Variants in ZBTB21 observed in about 807,000 individuals in gnomAD.
ZBTB21 encodes zinc finger and BTB domain-containing protein 21.
A neutral mutation model predicts 39.8 loss-of-function variants in ZBTB21; 10 were observed. The ratio of observed to expected loss-of-function variants is 0.25; its 90% CI spans 0.16 to 0.43. The LOEUF (loss-of-function observed/expected upper bound fraction) is 0.43, where lower values mean the gene tolerates loss of function less well. Ranked by LOEUF, ZBTB21 falls within the 20% of genes least tolerant of loss-of-function variation. ZBTB21 has a pLI of 1.00. For synonymous variants in ZBTB21, 551 were observed against 498.8 expected (o/e 1.10, Z -1.40); for missense variants, 1,221 against 1,296.3 (o/e 0.94, Z 0.89).
chr21:41,989,444 TAG>T lies in ZBTB21; in HGVS notation c.*1449_*1450del, dbSNP rs1408694936. On this transcript the variant is annotated 3_prime_UTR_variant, in exon 3 of 3. Coordinates refer to ENST00000310826, the MANE Select transcript of ZBTB21 (RefSeq NM_001098402.2). ...TGAAAGAATACCTCGTAACACAAAC[TAG>T]AGTCTAAATTGGTATTACTTTCTTA... is the stretch of plus-strand genomic sequence containing the variant. The T allele has an allele frequency of 2.0e-5, 3 of 152,172 alleles. No individual in the cohort carries two copies. Among genetic ancestry groups the T allele is most frequent in the African/African-American group, 7.2e-5 (3 of 41,458 alleles). The allele number at this position is 152,172 out of a possible 1,614,324, so 9.4% of individuals were successfully genotyped here.
chr21:41,998,870 C>G (rs1021552380), intron 2 of ZBTB21, among the ~76,000 whole-genome samples: 1 of 152,184 alleles, frequency 6.6e-6, no homozygotes, highest in South Asian at 2.1e-4. Context: ...CAGACTGTAC[C>G]AAGTTTCTGT....
chr21:42,004,813 A>T (rs905873552), intron 1 of ZBTB21, among the ~76,000 whole-genome samples: 3 of 152,258 alleles, frequency 2.0e-5, no homozygotes, highest in Non-Finnish European at 2.9e-5. Flanking sequence ...ACTTTGGAAC[A>T]TAAACACACA....
chr21:41,991,431 C>G lies in ZBTB21; in HGVS notation c.2665G>C (p.Glu889Gln), dbSNP rs1297277667. 1 of 1,611,838 alleles carries G rather than the reference C, an allele frequency of 6.2e-7. No homozygotes were observed. The highest frequency in any genetic ancestry group is 1.3e-5 in the African/African-American group (1 of 74,256). ...GGGGCTGTGCTGGCCTCGGGTGCCT[C>G]TTCTTCAGCCTCCTCCACAGGCTCC... The part of the protein sequence containing the change: ...KEEPVEEAEE[E>Q]APEASTAPKE... Residue 889 changes from glutamate (E) to glutamine (Q), a missense_variant, in exon 3 of 3, where the codon GAG becomes CAG. Physicochemically the swap from Glu to Gln is conservative, Grantham distance 29 (BLOSUM62 2). Coordinates refer to ENST00000310826, the MANE Select transcript of ZBTB21 (RefSeq NM_001098402.2). This position sits in a 1 kb window ranked among gnomAD's most constrained non-coding sequence, Gnocchi z 4.9.
Position 41,994,122 on chromosome 21 carries a change from T to G in ZBTB21, c.-13-14A>C. ...GCTTGAGTTTATCTAAAAGACAAAATGTAAAATTACTACAGATATTGCAGT... is the reference window on the plus strand; with the variant it reads ...GCTTGAGTTTATCTAAAAGACAAAAGGTAAAATTACTACAGATATTGCAGT... On this transcript the variant is annotated splice_polypyrimidine_tract_variant and intron_variant, in intron 2 of 2. Coordinates refer to ENST00000310826, the MANE Select transcript of ZBTB21 (RefSeq NM_001098402.2). 1 of 1,542,254 alleles carries G rather than the reference T, an allele frequency of 6.5e-7. No individual in the cohort carries two copies. The highest frequency in any genetic ancestry group is 8.7e-7 in the Non-Finnish European group (1 of 1,147,962).
rs1475124769 is a variant in ZBTB21 at position 41,992,037 on chromosome 21, G to C, written c.2059C>G (p.Gln687Glu). ...TCTCCTGGATGCATTTTTATATGCT[G>C]CTTAAATTGAGAGAGAAAGCGGTAC... ...KAYRFLSQFK[Q>E]HIKMHPGEKP... Residue 687 changes from glutamine to glutamate, a missense_variant, in exon 3 of 3, where the codon CAG becomes GAG. Physicochemically the swap from Gln to Glu is conservative, Grantham distance 29 (BLOSUM62 2). Coordinates refer to ENST00000310826, the MANE Select transcript of ZBTB21 (RefSeq NM_001098402.2). The surrounding 1 kb of genome is among the most constrained non-coding windows in gnomAD (Gnocchi z 4.1). The C allele has an allele frequency of 6.2e-7, 1 of 1,614,110 alleles. No homozygotes were observed. Among genetic ancestry groups the C allele is most frequent in the Non-Finnish European group, 8.5e-7 (1 of 1,180,054 alleles).
Position 41,991,597 on chromosome 21 carries a change from G to C in ZBTB21, c.2499C>G (p.Asn833Lys), listed in dbSNP as rs770249592. Residue 833 changes from asparagine to lysine, a missense_variant, in exon 3 of 3, where the codon AAC becomes AAG. Around this residue, in one of 4 missense-constraint regions of ZBTB21, gnomAD observed 523 missense variants for 542.5 expected, o/e 0.96. Transcript: ENST00000310826. This position sits in a 1 kb window ranked among gnomAD's most constrained non-coding sequence, Gnocchi z 4.9. The part of the protein sequence containing the change: ...SSRPQSQPEP[N>K]KVNHIVTTKD... ...TTGTGGTGACGATGTGGTTTACTTT[G>C]TTGGGCTCAGGCTGGGATTGGGGCC... The C allele has an allele frequency of 1.2e-6, 2 of 1,614,078 alleles. No homozygotes were observed. Among genetic ancestry groups the C allele is most frequent in the African/African-American group, 2.7e-5 (2 of 74,916 alleles).
At chr21:41,994,776 T>C (rs1341433893) in intron 2 of ZBTB21, among the ~76,000 whole-genome samples, 2 of 151,176 alleles carry the variant, frequency 1.3e-5, no homozygotes, top group Middle Eastern at 6.8e-3. Context: ...TTTGGTGGTG[T>C]CCCCACCCAA....
At chr21:42,005,479 C>T (rs2065868022) in intron 1 of ZBTB21, among the ~76,000 whole-genome samples, 1 of 152,178 alleles carries the variant, frequency 6.6e-6, no homozygotes, top group South Asian at 2.1e-4. Flanking sequence ...TGGTTTTTGT[C>T]CTTCTTCCTG....
chr21:41,996,648 T>C (rs1347679363), intron 2 of ZBTB21, among the ~76,000 whole-genome samples: 1 of 152,176 alleles, frequency 6.6e-6, no homozygotes, highest in Admixed American at 6.5e-5. Flanking sequence ...TGGGGGACTG[T>C]TGGGAACGCA....
In ZBTB21 at chr21:41,992,429, C is replaced by T. The variant is rs1463414560; in HGVS notation, c.1667G>A (p.Arg556Lys). Reference sequence around the variant, plus strand: ...ATGACGGTGAAGACCTGCTGTTGATCTAAAGATCTTAAGGCAATGTTTGCA... The same window carrying T: ...ATGACGGTGAAGACCTGCTGTTGATTTAAAGATCTTAAGGCAATGTTTGCA... ...FKCKHCLKIF[R>K]STAGLHRHVN... is the part of the protein sequence containing the mutation. Residue 556 changes from arginine to lysine, a missense_variant, in exon 3 of 3, where the codon AGA (arginine) becomes AAA (lysine). Around this residue, in one of 4 missense-constraint regions of ZBTB21, gnomAD observed 90 missense variants for 133.1 expected, o/e 0.68. Coordinates refer to ENST00000310826, the MANE Select transcript of ZBTB21 (RefSeq NM_001098402.2). This position sits in a 1 kb window ranked among gnomAD's most constrained non-coding sequence, Gnocchi z 4.1. The T allele has an allele frequency of 6.2e-7, 1 of 1,614,140 alleles. No homozygotes were observed. Among genetic ancestry groups the T allele is most frequent in the East Asian group, 2.2e-5 (1 of 44,882 alleles).
chr21:42,003,094 C>T (rs2065837270), intron 1 of ZBTB21, 133 bp from the exon 2 acceptor site: 1 of 152,280 alleles, frequency 6.6e-6, no homozygotes, highest in African/African-American at 2.4e-5. Flanking sequence ...ATGGAACCTT[C>T]TAAAGATGAC....
intron 1 of ZBTB21, among the ~76,000 whole-genome samples, chr21:42,007,602 G>A (rs1446518599): frequency 6.6e-6 from 1 of 152,202 alleles, no homozygotes; most frequent in African/African-American, 2.4e-5. Flanking sequence ...CAGCAGCTCA[G>A]TCATCTAAAC....
intron 2 of ZBTB21, among the ~76,000 whole-genome samples, chr21:41,995,456 G>A (rs568328628): frequency 2.0e-5 from 3 of 152,330 alleles, no homozygotes; most frequent in South Asian, 4.1e-4. Flanking sequence ...ACTTGAGAGA[G>A]ATGATTTAGG....
At chr21:42,000,392 C>A (rs138920090) in intron 2 of ZBTB21, among the ~76,000 whole-genome samples, 1 of 152,230 alleles carries the variant, frequency 6.6e-6, no homozygotes, top group Non-Finnish European at 1.5e-5. Context: ...GTCTTGGGGT[C>A]TACTTTTGGG....
chr21:42,007,597 G>T (rs1299065482), intron 1 of ZBTB21, among the ~76,000 whole-genome samples: 1 of 152,186 alleles, frequency 6.6e-6, no homozygotes, highest in Non-Finnish European at 1.5e-5. Context: ...CTAGCCAGCA[G>T]CTCAGTCATC....
chr21:41,999,423 T>A (rs983769637), intron 2 of ZBTB21, among the ~76,000 whole-genome samples: 5 of 152,196 alleles, frequency 3.3e-5, no homozygotes, highest in African/African-American at 1.2e-4. Context: ...ATGGACTGGA[T>A]TGAGATGTAA....
chr21:42,007,552 T>G (rs191480296), intron 1 of ZBTB21, among the ~76,000 whole-genome samples: 1 of 152,284 alleles, frequency 6.6e-6, no homozygotes, highest in East Asian at 1.9e-4. Context: ...CCAGTTGAAA[T>G]GTCACCGACT....
intron 1 of ZBTB21, among the ~76,000 whole-genome samples, chr21:42,004,651 C>A (rs139541510): frequency 6.6e-6 from 1 of 152,144 alleles, no homozygotes; most frequent in South Asian, 2.1e-4. Context: ...CTCTTTACAT[C>A]CAGCATCAAC....
At chr21:42,007,081 C>A (rs117663003) in intron 1 of ZBTB21, among the ~76,000 whole-genome samples, 1,989 of 152,366 alleles carry the variant, frequency 0.013, 10 homozygotes, top group Non-Finnish European at 0.021. Flanking sequence ...AATACCTCAA[C>A]TTCAGCACCA....
Sources: allele counts gnomAD v4.1 joint callset (sites outside exome capture counted in the v4.1 genomes callset), GRCh38; gene constraint gnomAD v4.1.1; regional missense constraint gnomAD v4.1.1; non-coding constraint Gnocchi (gnomAD v3.1); transcripts MANE v1.5; gene names NCBI Gene and HGNC (gene_info 2026-07-23, HGNC 2026-07-21).